Variants in ANXA7 observed in about 807,000 individuals in gnomAD.
The protein encoded by ANXA7 is annexin VII.
Under a neutral mutation model 64.9 loss-of-function variants are expected in ANXA7, and 55 were observed. The observed-to-expected ratio is 0.85, with a 90% CI of 0.68 to 1.06. The LOEUF (loss-of-function observed/expected upper bound fraction) is 1.06. Among genes scored for constraint, ANXA7 ranks in the 50% least tolerant of loss-of-function variants. ANXA7 has a pLI of 0.00. For synonymous variants in ANXA7, 200 were observed against 192.4 expected, an observed-to-expected ratio of 1.04 and a Z score of -0.33; for missense variants, 548 against 582.1, an observed-to-expected ratio of 0.94 and a Z score of 0.60.
intron 5 of ANXA7, among the ~76,000 whole-genome samples, chr10:73,395,516 G>A (rs1215482948): frequency 1.3e-5 from 2 of 152,292 alleles, no homozygotes; most frequent in African/African-American, 4.8e-5. Flanking sequence ...GTGCGTGGTG[G>A]CTCATGCCTG....
At chr10:73,404,519 G>A (rs1055089096) in intron 1 of ANXA7, among the ~76,000 whole-genome samples, 11 of 152,060 alleles carry the variant, frequency 7.2e-5, no homozygotes, top group African/African-American at 2.7e-4. Flanking sequence ...CAGGGATTAT[G>A]CCAAAATAAT....
At chr10:73,393,954 T>C (rs541624577) in intron 5 of ANXA7, among the ~76,000 whole-genome samples, 1 of 152,292 alleles carries the variant, frequency 6.6e-6, no homozygotes, top group South Asian at 2.1e-4. Flanking sequence ...TTTTGCAATC[T>C]ACCCATCTGA....
At chr10:73,407,962 T>G (rs924072311) in intron 1 of ANXA7, among the ~76,000 whole-genome samples, 5 of 152,196 alleles carry the variant, frequency 3.3e-5, no homozygotes, top group Non-Finnish European at 7.3e-5. Context: ...TGAATTTTTT[T>G]GCTTTTTTCT....
intron 1 of ANXA7, among the ~76,000 whole-genome samples, chr10:73,407,792 G>A (rs900901984): frequency 6.6e-6 from 1 of 152,204 alleles, no homozygotes; most frequent in African/African-American, 2.4e-5. Context: ...AGGAACACAG[G>A]ATAGAAGCTA....
At chr10:73,381,880 TCCC>T in intron 9 of ANXA7, among the ~76,000 whole-genome samples, 1 of 150,340 alleles carries the variant, frequency 6.7e-6, no homozygotes, top group Non-Finnish European at 1.5e-5. Context: ...CACAGCTACC[TCCC>T]TTTTTTTTTT....
intron 9 of ANXA7, among the ~76,000 whole-genome samples, chr10:73,380,410 C>G (rs1172401115): frequency 6.6e-6 from 1 of 151,954 alleles, no homozygotes; most frequent in African/African-American, 2.4e-5. Context: ...GCTGGGACTA[C>G]AGGCACAAAC....
rs1453925481 is a variant in ANXA7, at chr10:73,380,210, G to A, written c.919-9C>T. The A allele has an allele frequency of 5.0e-6, 8 of 1,596,068 alleles. No individual in the cohort carries two copies. The highest frequency in any genetic ancestry group is 6.8e-6 in the Non-Finnish European group (8 of 1,175,318). ...TTCTCATCACGATTTCCCTGCAAAA[G>A]AGAAAGGCAGGAATTGGAAGAAATA... On this transcript the variant is annotated splice_polypyrimidine_tract_variant and intron_variant, in intron 9 of 12. Transcript: ENST00000372921.
chr10:73,394,050 G>A (rs1188952346), intron 5 of ANXA7, among the ~76,000 whole-genome samples: 1 of 152,260 alleles, frequency 6.6e-6, no homozygotes, highest in African/African-American at 2.4e-5. Context: ...AGTGGGCAAA[G>A]GATATGAACA....
chr10:73,380,300 T>A, intron 9 of ANXA7, 99 bp from the exon 10 acceptor site: 1 of 1,250,946 alleles, frequency 8.0e-7, no homozygotes, highest in Non-Finnish European at 1.1e-6. Flanking sequence ...AGAGACTATT[T>A]CTTTTTTTTT....
chr10:73,405,923 T>C (rs1404630651), intron 1 of ANXA7, among the ~76,000 whole-genome samples: 6 of 152,208 alleles, frequency 3.9e-5, no homozygotes, highest in Admixed American at 3.3e-4. Flanking sequence ...AATTACCTAA[T>C]ACTCCAGTAT....
chr10:73,401,509 T>C (rs1327934076), intron 1 of ANXA7, among the ~76,000 whole-genome samples: 1 of 152,028 alleles, frequency 6.6e-6, no homozygotes, highest in African/African-American at 2.4e-5. Context: ...CTTTTCTCTT[T>C]TTTTTTTGGA....
intron 1 of ANXA7, among the ~76,000 whole-genome samples, chr10:73,404,334 TATG>T (rs2055719340): frequency 6.6e-6 from 1 of 152,202 alleles, no homozygotes; most frequent in African/African-American, 2.4e-5. Flanking sequence ...GTTTGAAAGT[TATG>T]TTCTTCAAAA....
intron 3 of ANXA7, 96 bp downstream of exon 3, chr10:73,398,085 C>G: frequency 3.1e-6 from 4 of 1,292,162 alleles, no homozygotes; most frequent in Non-Finnish European, 1.1e-6. Flanking sequence ...GCGACTTGAC[C>G]TTATACAAAA....
Position 73,396,540 on chromosome 10 carries a change from T to C in ANXA7, c.414A>G (p.Gly138=). Residue 138 remains glycine (G), a synonymous_variant, in exon 5 of 13, where the codon GGA becomes GGG. Transcript: ENST00000372921. ...ATACCTGACTAGGGTAAGTAGGTTG[T>C]CCTCCAGGATACTGAGAAGGCATCT... is the stretch of plus-strand genomic sequence containing the variant. ...GGQMPSQYPG[G]QPTYPSQPAT... The C allele has an allele frequency of 6.2e-7, 1 of 1,610,874 alleles. No individual in the cohort carries two copies.
intron 11 of ANXA7, 135 bp downstream of exon 11, chr10:73,379,744 A>T (rs1357357854): frequency 1.2e-6 from 1 of 864,946 alleles, no homozygotes; most frequent in Non-Finnish European, 1.9e-6. Context: ...ACAAAAAACA[A>T]ACCCCAAAGG....
intron 6 of ANXA7, 41 bp downstream of exon 6, chr10:73,388,271 A>T: frequency 1.4e-6 from 2 of 1,416,830 alleles, no homozygotes; most frequent in Non-Finnish European, 2.0e-6. Flanking sequence ...AGAACTGATT[A>T]CTTTAACTTA....
intron 9 of ANXA7, 29 bp downstream of exon 9, chr10:73,383,146 C>T (rs2055301293): frequency 1.9e-6 from 3 of 1,558,512 alleles, no homozygotes; most frequent in South Asian, 2.4e-5. Flanking sequence ...TTCCCTCTAT[C>T]AACGCACAAG....
At chr10:73,378,407 A>C (rs2055221444) in intron 12 of ANXA7, among the ~76,000 whole-genome samples, 1 of 151,246 alleles carries the variant, frequency 6.6e-6, no homozygotes, top group South Asian at 2.1e-4. Flanking sequence ...AAAAATTCAA[A>C]TGTCATTTCT....
chr10:73,380,533 TA>T (rs2055259464), intron 9 of ANXA7, among the ~76,000 whole-genome samples: 1 of 152,038 alleles, frequency 6.6e-6, no homozygotes, highest in African/African-American at 2.4e-5. Context: ...CTTAGCCTCC[TA>T]AAGTGCTGGG....
Sources: gnomAD v4.1 joint callset for allele counts (sites outside exome capture counted in the v4.1 genomes callset) on GRCh38, gnomAD v4.1.1 for gene constraint, MANE v1.5 for transcripts, NCBI Gene and HGNC (gene_info 2026-07-23, HGNC 2026-07-21) for gene names.